Variants in FBXL7 observed in about 807,000 individuals in gnomAD.
The protein encoded by FBXL7 is F-box/LRR-repeat protein 7.
A neutral mutation model predicts 38.3 loss-of-function variants in FBXL7; 12 were observed. That is an observed-to-expected ratio of 0.31 (90% confidence interval 0.20 to 0.51). FBXL7 has a LOEUF of 0.51. Ranked by LOEUF, FBXL7 falls within the 20% of genes least tolerant of loss-of-function variation. FBXL7 has a pLI of 0.98. For synonymous variants in FBXL7, 297 were observed against 300.9 expected (o/e 0.99, Z 0.13); for missense variants, 567 against 676.4 (o/e 0.84, Z 1.79).
At chr5:15,748,258 A>G (rs907972109) in intron 2 of FBXL7, among the ~76,000 whole-genome samples, 1 of 152,200 alleles carries the variant, frequency 6.6e-6, no homozygotes, top group Non-Finnish European at 1.5e-5. Flanking sequence ...CCAGATGCCA[A>G]AAGTGCCAGA....
chr5:15,614,067 A>G (rs2914763), intron 1 of FBXL7, among the ~76,000 whole-genome samples: 47,689 of 151,934 alleles, frequency 0.31, 7,779 homozygotes, highest in East Asian at 0.46. Context: ...CACCTTGGGG[A>G]TTAGGATTTC....
chr5:15,894,621 G>A (rs1314618267), intron 2 of FBXL7, among the ~76,000 whole-genome samples: 5 of 152,186 alleles, frequency 3.3e-5, no homozygotes, highest in African/African-American at 1.2e-4. Flanking sequence ...TTTTACTGAT[G>A]TCTATGGGAG....
intron 1 of FBXL7, among the ~76,000 whole-genome samples, chr5:15,541,050 AT>A (rs1737726397): frequency 1.3e-5 from 2 of 149,136 alleles, no homozygotes; most frequent in South Asian, 2.1e-4. Flanking sequence ...ATGTGTCGGA[AT>A]GTGTGTGTGT....
At chr5:15,811,335 T>C (rs2126753148) in intron 2 of FBXL7, among the ~76,000 whole-genome samples, 1 of 152,262 alleles carries the variant, frequency 6.6e-6, no homozygotes. Context: ...GATGAAGGTG[T>C]CAGCAGAGTT....
intron 1 of FBXL7, among the ~76,000 whole-genome samples, chr5:15,533,094 T>C (rs758302508): frequency 6.6e-5 from 10 of 152,274 alleles, no homozygotes; most frequent in South Asian, 2.1e-4. Context: ...CCAGTGGACA[T>C]TGAAGTCTGA....
intron 2 of FBXL7, among the ~76,000 whole-genome samples, chr5:15,924,149 G>A (rs945522713): frequency 1.3e-5 from 2 of 152,142 alleles, no homozygotes; most frequent in South Asian, 4.1e-4. Flanking sequence ...TCCAAAATTG[G>A]TTTATATTTA....
chr5:15,849,996 C>T (rs1192948801), intron 2 of FBXL7, among the ~76,000 whole-genome samples: 1 of 152,124 alleles, frequency 6.6e-6, no homozygotes, highest in Non-Finnish European at 1.5e-5. Context: ...TGGGGGTTGA[C>T]TTAGGACTTG....
intron 2 of FBXL7, among the ~76,000 whole-genome samples, chr5:15,728,992 T>C (rs1296973350): frequency 6.6e-6 from 1 of 152,164 alleles, no homozygotes; most frequent in Non-Finnish European, 1.5e-5. Context: ...AAGAATTGGA[T>C]GATGATTGAC....
intron 2 of FBXL7, among the ~76,000 whole-genome samples, chr5:15,773,649 A>T (rs532474408): frequency 2.6e-5 from 4 of 152,004 alleles, no homozygotes; most frequent in South Asian, 2.1e-4. Context: ...TCTCAAAAAA[A>T]TTTTTTTTCC....
chr5:15,582,968 G>C lies in FBXL7; in HGVS notation c.38-33015G>C, dbSNP rs1319432022. On this transcript the variant is annotated intron_variant, in intron 1 of 3. Coordinates refer to ENST00000504595, the MANE Select transcript of FBXL7 (RefSeq NM_012304.5). ...TTTTTTTTGTGGGGATGTTGTATTA[G>C]TCTATTTTCATACTGCTATAAAGAA... Among the ~76,000 whole-genome samples the C allele has an allele frequency of 2.0e-5, 3 of 146,540 alleles. No individual in the cohort carries two copies. In the Admixed American group the frequency reaches 2.1e-4, roughly 10 times the overall value.
intron 1 of FBXL7, among the ~76,000 whole-genome samples, chr5:15,551,970 TA>T (rs926350067): frequency 6.6e-6 from 1 of 152,216 alleles, no homozygotes; most frequent in African/African-American, 2.4e-5. Context: ...TGGAGGAATT[TA>T]TAAACATGAA....
chr5:15,565,786 G>A (rs1738551987), intron 1 of FBXL7, among the ~76,000 whole-genome samples: 1 of 152,092 alleles, frequency 6.6e-6, no homozygotes. Context: ...AGATAGTCAA[G>A]CAAGAGGAGT....
intron 2 of FBXL7, among the ~76,000 whole-genome samples, chr5:15,661,623 T>C (rs1256039460): frequency 6.6e-6 from 1 of 152,248 alleles, no homozygotes; most frequent in Non-Finnish European, 1.5e-5. Flanking sequence ...TGGGGTTTGT[T>C]GTACAGATTA....
At chr5:15,883,292 GT>G (rs1282257512) in intron 2 of FBXL7, among the ~76,000 whole-genome samples, 1 of 152,170 alleles carries the variant, frequency 6.6e-6, no homozygotes, top group East Asian at 1.9e-4. Flanking sequence ...TGACAGAGAA[GT>G]TTTAAGGTTT....
At position 15,768,942 on chromosome 5, in the gene FBXL7, T is replaced by C. The variant is rs138047295; in HGVS notation, c.127+152870T>C. Among the ~76,000 whole-genome samples the C allele has an allele frequency of 5.7e-3, 873 of 152,370 alleles. 8 individuals are homozygous for C. Among genetic ancestry groups the C allele is most frequent in the African/African-American group, 0.02 (825 of 41,602 alleles). On this transcript the variant is annotated intron_variant, in intron 2 of 3. Coordinates refer to ENST00000504595, the MANE Select transcript of FBXL7 (RefSeq NM_012304.5). ...AATTTATCAAAACAACAAACAGTAA[T>C]TGAGTCAATAAGACATATGCTGTAG...
intron 2 of FBXL7, among the ~76,000 whole-genome samples, chr5:15,735,762 G>A (rs892680414): frequency 1.3e-5 from 2 of 152,210 alleles, no homozygotes; most frequent in Non-Finnish European, 1.5e-5. Context: ...TTTGTGAATG[G>A]TGAATGATGA....
intron 1 of FBXL7, among the ~76,000 whole-genome samples, chr5:15,523,311 C>T (rs1003528019): frequency 2.0e-5 from 3 of 152,174 alleles, no homozygotes; most frequent in Non-Finnish European, 2.9e-5. Flanking sequence ...GTAATCCCAG[C>T]ACTTTGGGAG....
chr5:15,555,964 ATCTG>A (rs1236424835), intron 1 of FBXL7, among the ~76,000 whole-genome samples: 4 of 147,150 alleles, frequency 2.7e-5, no homozygotes, highest in African/African-American at 1.0e-4. Flanking sequence ...TCTATCTGTC[ATCTG>A]TCTATCATCT....
chr5:15,764,633 C>T (rs949972191), intron 2 of FBXL7, among the ~76,000 whole-genome samples: 2 of 152,202 alleles, frequency 1.3e-5, no homozygotes, highest in African/African-American at 4.8e-5. Context: ...CAAATCCCAG[C>T]TTTTTCACTT....
Sources: allele counts gnomAD v4.1 joint callset (sites outside exome capture counted in the v4.1 genomes callset), GRCh38; gene constraint gnomAD v4.1.1; transcripts MANE v1.5; gene names NCBI Gene and HGNC (gene_info 2026-07-23, HGNC 2026-07-21).